GALNTL6: variants seen among roughly 807,000 people sequenced by gnomAD.
GALNTL6 encodes the protein polypeptide N-acetylgalactosaminyltransferase-like 6.
In GALNTL6, 46 loss-of-function variants were observed where a neutral mutation model predicts 73.7. The observed-to-expected ratio is 0.62, with a 90% confidence interval of 0.49 to 0.80. The LOEUF is 0.80. GALNTL6 is among the 30% of genes least tolerant of loss of function. GALNTL6 has a pLI of 0.00. For synonymous variants in GALNTL6, 259 were observed against 263.7 expected, an observed-to-expected ratio of 0.98 and a Z score of 0.17; for missense variants, 604 against 755.0, an observed-to-expected ratio of 0.80 and a Z score of 2.34.
intron 5 of GALNTL6, among the ~76,000 whole-genome samples, chr4:172,406,360 A>C (rs191139837): frequency 3.9e-4 from 60 of 152,090 alleles, no homozygotes; most frequent in Non-Finnish European, 4.6e-4. Flanking sequence ...TTAAGTCAGA[A>C]ATATATTTTA....
intron 2 of GALNTL6, among the ~76,000 whole-genome samples, chr4:171,952,612 A>T (rs1050692130): frequency 8.5e-5 from 13 of 152,064 alleles, no homozygotes; most frequent in Non-Finnish European, 2.9e-5. Flanking sequence ...TTACATGATC[A>T]TTTCAATGGA....
intron 5 of GALNTL6, among the ~76,000 whole-genome samples, chr4:172,481,038 G>A (rs1733442649): frequency 6.6e-6 from 1 of 152,214 alleles, no homozygotes; most frequent in African/African-American, 2.4e-5. Flanking sequence ...CTTCAAGAAT[G>A]AAGCCGTGGA....
At chr4:172,702,386 C>T (rs1158113067) in intron 5 of GALNTL6, among the ~76,000 whole-genome samples, 1 of 152,006 alleles carries the variant, frequency 6.6e-6, no homozygotes, top group Non-Finnish European at 1.5e-5. Flanking sequence ...TTTGCGCTAT[C>T]TCTCCATTGT....
intron 5 of GALNTL6, among the ~76,000 whole-genome samples, chr4:172,558,174 T>C (rs1736214057): frequency 6.6e-6 from 1 of 152,158 alleles, no homozygotes; most frequent in Non-Finnish European, 1.5e-5. Context: ...AACTAAATTA[T>C]GAAGGAAAAC....
At chr4:172,839,769 TA>T (rs1261042643) in intron 7 of GALNTL6, among the ~76,000 whole-genome samples, 1 of 152,204 alleles carries the variant, frequency 6.6e-6, no homozygotes, top group Non-Finnish European at 1.5e-5. Flanking sequence ...GAGTTTGTTC[TA>T]AAACTTAAAA....
At chr4:172,351,418 G>A (rs1741941759) in intron 5 of GALNTL6, among the ~76,000 whole-genome samples, 1 of 152,072 alleles carries the variant, frequency 6.6e-6, no homozygotes, top group Non-Finnish European at 1.5e-5. Flanking sequence ...TAATCAATAA[G>A]GAGATTATGT....
intron 5 of GALNTL6, among the ~76,000 whole-genome samples, chr4:172,533,293 G>A (rs972664117): frequency 2.7e-5 from 4 of 146,192 alleles, no homozygotes; most frequent in Non-Finnish European, 6.0e-5. Flanking sequence ...GATTACAGGC[G>A]TGAGCCGCCG....
At chr4:172,682,580 A>C (rs549844398) in intron 5 of GALNTL6, among the ~76,000 whole-genome samples, 2 of 152,318 alleles carry the variant, frequency 1.3e-5, no homozygotes, top group South Asian at 4.1e-4. Context: ...TAGTATAACT[A>C]TGTCCCAAAC....
intron 10 of GALNTL6, among the ~76,000 whole-genome samples, chr4:172,957,813 G>C (rs550355945): frequency 1.0e-3 from 152 of 152,218 alleles, no homozygotes; most frequent in African/African-American, 3.2e-3. Flanking sequence ...GGTAGTGGAG[G>C]GGGGCAGAGC....
chr4:172,620,289 G>T (rs1318091498), intron 5 of GALNTL6, among the ~76,000 whole-genome samples: 2 of 133,128 alleles, frequency 1.5e-5, no homozygotes. Flanking sequence ...CGTGAATTGT[G>T]CTTGTTTCTG....
intron 10 of GALNTL6, among the ~76,000 whole-genome samples, chr4:172,967,811 C>A (rs1488574021): frequency 1.3e-5 from 2 of 152,102 alleles, no homozygotes; most frequent in Non-Finnish European, 2.9e-5. Flanking sequence ...GGGTTTGATA[C>A]TATCTGTGGT....
At chr4:172,911,280 G>A (rs1308844835) in intron 8 of GALNTL6, among the ~76,000 whole-genome samples, 1 of 152,292 alleles carries the variant, frequency 6.6e-6, no homozygotes, top group East Asian at 1.9e-4. Context: ...ACATGGTTTT[G>A]TTAGAAATAA....
intron 4 of GALNTL6, among the ~76,000 whole-genome samples, chr4:172,322,302 T>A (rs182892084): frequency 1.2e-4 from 18 of 152,290 alleles, no homozygotes; most frequent in African/African-American, 3.8e-4. Context: ...AAAACTTGCC[T>A]TGGTCTTTCA....
intron 2 of GALNTL6, among the ~76,000 whole-genome samples, chr4:172,028,275 T>C (rs2110814887): frequency 6.6e-6 from 1 of 150,964 alleles, no homozygotes; most frequent in South Asian, 2.1e-4. Context: ...TTTATTGTGG[T>C]AGTGCGAAAT....
intron 5 of GALNTL6, among the ~76,000 whole-genome samples, chr4:172,794,684 C>T (rs1014222047): frequency 3.3e-5 from 5 of 152,120 alleles, no homozygotes; most frequent in African/African-American, 9.7e-5. Context: ...TGACAAAGTA[C>T]GAATCTTCGT....
intron 5 of GALNTL6, among the ~76,000 whole-genome samples, chr4:172,516,903 T>C (rs540239954): frequency 6.6e-6 from 1 of 152,288 alleles, no homozygotes; most frequent in South Asian, 2.1e-4. Flanking sequence ...CCTTAAAGAC[T>C]TTATTTAAGT....
At chr4:172,676,843 T>TTAA (rs1287355855) in intron 5 of GALNTL6, among the ~76,000 whole-genome samples, 24 of 152,374 alleles carry the variant, frequency 1.6e-4, no homozygotes, top group African/African-American at 5.3e-4. Flanking sequence ...GGCTCTCAAA[T>TTAA]GTGACCTTCA....
intron 2 of GALNTL6, among the ~76,000 whole-genome samples, chr4:171,895,985 C>A (rs929352083): frequency 2.0e-5 from 3 of 150,436 alleles, no homozygotes; most frequent in Non-Finnish European, 4.4e-5. Context: ...AGTCAGTAAA[C>A]CTCAAAATAG....
intron 5 of GALNTL6, among the ~76,000 whole-genome samples, chr4:172,369,522 G>A (rs563549172): frequency 1.3e-5 from 2 of 152,180 alleles, no homozygotes; most frequent in Non-Finnish European, 2.9e-5. Context: ...GCGGAGCAGG[G>A]GGTGGCACCC....
Sources: gnomAD v4.1 joint callset for allele counts (sites outside exome capture counted in the v4.1 genomes callset) on GRCh38, gnomAD v4.1.1 for gene constraint, MANE v1.5 for transcripts, NCBI Gene and HGNC (gene_info 2026-07-23, HGNC 2026-07-21) for gene names.